Variants in ELP6 observed in about 807,000 individuals in gnomAD.
The protein encoded by ELP6 is elongator complex protein 6.
ELP6 carries 23 observed loss-of-function variants against 28.1 expected under a neutral mutation model. That is an observed-to-expected ratio of 0.82 (90% CI 0.59 to 1.16). ELP6 has a LOEUF of 1.16. ELP6 is among the 50% of genes most tolerant of loss of function. ELP6 has a pLI of 0.00. For missense variants in ELP6, 313 were observed against 334.6 expected (o/e 0.94, Z 0.50); for synonymous variants, 132 against 135.8 (o/e 0.97, Z 0.19).
intron 4 of ELP6, chr3:47,503,419 C>T (rs976427479): frequency 4.7e-6 from 6 of 1,289,516 alleles, no homozygotes; most frequent in Non-Finnish European, 5.1e-6. Context: ...TGTTGAATAC[C>T]AAACCAGGGG....
chr3:47,505,011 A>G (rs1708785203), intron 3 of ELP6, among the ~76,000 whole-genome samples: 2 of 152,126 alleles, frequency 1.3e-5, no homozygotes, highest in African/African-American at 2.4e-5. Flanking sequence ...TCACGCCTAT[A>G]ATCCCAGCAC....
At position 47,511,208 on chromosome 3, in the gene ELP6, A is replaced by C. The variant is rs201970071; in HGVS notation, c.73T>G (p.Cys25Gly). ...RAEQGKLTLL[C>G]DAKTDGSFLV... ...AAACTCCCATCTGTCTTGGCATCAC[A>C]GAGTAGAGTCAGTTTCCCCTAAAAG... The change falls in exon 2 of 7, where the codon TGT becomes GGT. Residue 25 changes from cysteine (C) to glycine (G), a missense_variant. Coordinates refer to ENST00000296149, the MANE Select transcript of ELP6 (RefSeq NM_001031703.3). The C allele has an allele frequency of 1.9e-6, 3 of 1,614,164 alleles. No homozygotes were observed. In the African/African-American group the frequency reaches 4.0e-5, roughly 22 times the overall value.
intron 3 of ELP6, 146 bp downstream of exon 3, chr3:47,510,038 G>A: frequency 1.6e-6 from 1 of 636,612 alleles, no homozygotes; most frequent in Non-Finnish European, 2.7e-6. Context: ...GGGATTACAG[G>A]CGTGAGCCAC....
intron 5 of ELP6, chr3:47,499,829 A>C (rs1708592372): frequency 8.6e-7 from 1 of 1,157,390 alleles, no homozygotes; most frequent in South Asian, 1.8e-5. Flanking sequence ...CCCCAGCTGG[A>C]CTGCTGCCAC....
At position 47,510,204 on chromosome 3, in the gene ELP6, T is replaced by C. The variant is rs1279074413; in HGVS notation, c.184A>G (p.Ser62Gly). 1 of 1,614,004 alleles carries C rather than the reference T, an allele frequency of 6.2e-7. No individual in the cohort carries two copies. The highest frequency in any genetic ancestry group is 8.5e-7 in the Non-Finnish European group (1 of 1,179,856). ...TTTACCAGCTTCTGTCCCACGATAC[T>C]GTAGTGGCTGAAGGACTGGATGAGT... ...VALIQSFSHYSIVGQKLGVSL... is the reference protein window; with the variant it reads ...VALIQSFSHYGIVGQKLGVSL... The change falls in exon 3 of 7, where the codon AGT (serine) becomes GGT (glycine). Residue 62 changes from serine (S) to glycine (G), a missense_variant. Transcript: ENST00000296149.
intron 3 of ELP6, among the ~76,000 whole-genome samples, chr3:47,509,613 T>C (rs1253057637): frequency 6.6e-6 from 1 of 152,120 alleles, no homozygotes; most frequent in Admixed American, 6.6e-5. Context: ...TCAAAACTCA[T>C]ACGGAGAAGG....
chr3:47,511,753 A>C, intron 1 of ELP6: 1 of 979,424 alleles, frequency 1.0e-6, no homozygotes, highest in South Asian at 4.4e-5. Flanking sequence ...CCTGCTTCAG[A>C]GGCCTGATCA....
chr3:47,507,349 G>A, intron 3 of ELP6, among the ~76,000 whole-genome samples: 2 of 125,978 alleles, frequency 1.6e-5, no homozygotes, highest in Admixed American at 1.8e-4. Flanking sequence ...CAACAAGAGT[G>A]AAACTCTGTC....
chr3:47,503,705 A>G (rs1576343724), intron 4 of ELP6, among the ~76,000 whole-genome samples: 1 of 152,120 alleles, frequency 6.6e-6, no homozygotes, highest in Non-Finnish European at 1.5e-5. Flanking sequence ...GATCGAGACC[A>G]TGGTGAAACC....
chr3:47,501,484 A>G, intron 5 of ELP6, 166 bp downstream of exon 5: 3 of 645,278 alleles, frequency 4.6e-6, no homozygotes, highest in Admixed American at 2.9e-5. Flanking sequence ...CTTTTCAGCA[A>G]TGGCAGGTAA....
chr3:47,511,305 T>A, intron 1 of ELP6, 79 bp from the exon 2 acceptor site: 3 of 1,528,024 alleles, frequency 2.0e-6, no homozygotes, highest in Non-Finnish European at 2.7e-6. Context: ...GTCAATTGTG[T>A]CCACACCTTA....
intron 3 of ELP6, among the ~76,000 whole-genome samples, chr3:47,506,530 C>A (rs1360269771): frequency 6.6e-6 from 1 of 152,172 alleles, no homozygotes; most frequent in Non-Finnish European, 1.5e-5. Flanking sequence ...CAGGGATGTT[C>A]CTTGCTGAGA....
rs2029907669 is a variant in ELP6, at chr3:47,512,976, C to A, written c.54+561G>T. ...AATATAACCCAACCCCACTGTCGGC[C>A]ATGCTTCCCAGGTACTTTTTTTTTT... On this transcript the variant is annotated intron_variant, in intron 1 of 6. Transcript: ENST00000296149. 3 of 983,754 alleles carry A rather than the reference C, an allele frequency of 3.0e-6. No homozygotes were observed. In the South Asian group the frequency reaches 1.4e-4, roughly 45 times the overall value. The allele number at this position is 983,754 out of a possible 1,614,324, so 60.9% of individuals were successfully genotyped here.
intron 5 of ELP6, chr3:47,500,325 G>T: frequency 1.3e-6 from 1 of 793,564 alleles, no homozygotes; most frequent in Non-Finnish European, 1.5e-6. Context: ...CGAGGCAGTA[G>T]AATCACCTGA....
In ELP6 at chr3:47,496,104, A is replaced by T. The variant is rs116174668; in HGVS notation, c.766T>A (p.Phe256Ile). 2,057 of 1,614,180 alleles carry T rather than the reference A, an allele frequency of 1.3e-3. 27 individuals are homozygous for T. In the African/African-American group the frequency reaches 0.024, roughly 19 times the overall value. Residue 256 changes from phenylalanine to isoleucine, a missense_variant, in exon 7 of 7, where the codon TTT (phenylalanine) becomes ATT (isoleucine). By Grantham distance (21) the Phe-to-Ile change is conservative. Coordinates refer to ENST00000296149, the MANE Select transcript of ELP6 (RefSeq NM_001031703.3). ...QYKIQDKSVS[F>I]FAKGMSPAVL ...GCAGGAGACATTCCTTTGGCAAAAA[A>T]GGACACGCTTTTGTCCTGTATCTTA...
Position 47,513,652 on chromosome 3 carries a change from C to T in ELP6, c.-62G>A. 6.2e-7 allele frequency: 1 copy of T among 1,603,110 alleles called. No homozygotes were observed. The highest frequency in any genetic ancestry group is 8.5e-7 in the Non-Finnish European group (1 of 1,173,088). On this transcript the variant is annotated 5_prime_UTR_variant, in exon 1 of 7. Transcript: ENST00000296149. ...CGGAGTGCTGCAGAGACGACGGAGG[C>T]TGGAGAGCAAAACACACCCGACAGC...
intron 3 of ELP6, among the ~76,000 whole-genome samples, chr3:47,508,788 G>A (rs181161042): frequency 7.0e-5 from 9 of 128,700 alleles, no homozygotes; most frequent in African/African-American, 1.8e-4. Context: ...TTTTTGAGAT[G>A]GAGTCTTGCT....
Position 47,498,355 on chromosome 3 carries a change from A to G in ELP6, c.603T>C (p.Ser201=), listed in dbSNP as rs1708540956. Residue 201 remains serine (S), a synonymous_variant, in exon 6 of 7, where the codon AGT becomes AGC. Transcript: ENST00000296149. ...CCCGCAGTATCAGATGGCTCTGATG[A>G]CTGAGGCCATTCAGCAGGATGTCAT... The part of the protein sequence containing the change: ...EENDILLNGL[S]HQSHLILRAE... 1.2e-6 allele frequency: 2 copies of G among 1,613,804 alleles called. No homozygotes were observed. The highest frequency in any genetic ancestry group is 2.7e-5 in the African/African-American group (2 of 75,046).
chr3:47,513,442 G>A, intron 1 of ELP6, 95 bp downstream of exon 1: 3 of 1,547,188 alleles, frequency 1.9e-6, no homozygotes, highest in Non-Finnish European at 1.7e-6. Flanking sequence ...CCGGGTCGTC[G>A]CGCCATTCCC....
Sources: allele counts gnomAD v4.1 joint callset (sites outside exome capture counted in the v4.1 genomes callset), GRCh38; gene constraint gnomAD v4.1.1; transcripts MANE v1.5; gene names NCBI Gene and HGNC (gene_info 2026-07-23, HGNC 2026-07-21).